Variants in TAFA1 observed in about 807,000 individuals in gnomAD.
TAFA1 encodes chemokine-like protein TAFA-1.
A neutral mutation model predicts 18.5 loss-of-function variants in TAFA1; 4 were observed. The observed-to-expected ratio is 0.22, with a 90% CI of 0.11 to 0.49. The LOEUF is 0.49. Among genes scored for constraint, TAFA1 ranks in the 20% least tolerant of loss-of-function variants. The pLI, the probability that TAFA1 is intolerant of heterozygous loss-of-function variation, is 0.98. For synonymous variants in TAFA1, 56 were observed against 55.2 expected (o/e 1.01, Z -0.06); for missense variants, 147 against 169.0 (o/e 0.87, Z 0.72).
At chr3:68,378,446 T>C (rs765695042) in intron 2 of TAFA1, among the ~76,000 whole-genome samples, 2 of 152,212 alleles carry the variant, frequency 1.3e-5, no homozygotes, top group Non-Finnish European at 2.9e-5. Flanking sequence ...AACCACATTG[T>C]ATCTAGGAAG....
chr3:68,162,328 C>T (rs2065934124), intron 2 of TAFA1, among the ~76,000 whole-genome samples: 1 of 152,126 alleles, frequency 6.6e-6, no homozygotes, highest in African/African-American at 2.4e-5. Flanking sequence ...CACTTCAGAT[C>T]ATCAGGCATT....
chr3:68,498,721 GCTT>G (rs1324885419), intron 3 of TAFA1, among the ~76,000 whole-genome samples: 41 of 101,682 alleles, frequency 4.0e-4, no homozygotes, highest in African/African-American at 9.6e-4. Flanking sequence ...CCGTTTGGTG[GCTT>G]TTTTTTTTTT....
intron 2 of TAFA1, among the ~76,000 whole-genome samples, chr3:68,329,668 A>G (rs1010563214): frequency 4.6e-5 from 7 of 152,202 alleles, no homozygotes; most frequent in African/African-American, 1.7e-4. Context: ...AAGCTCAAGG[A>G]ACACATCTTC....
intron 2 of TAFA1, among the ~76,000 whole-genome samples, chr3:68,144,830 AT>A (rs2065716931): frequency 6.6e-6 from 1 of 152,146 alleles, no homozygotes; most frequent in South Asian, 2.1e-4. Context: ...TTTTAACTCC[AT>A]GCTCTTTGAC....
intron 3 of TAFA1, among the ~76,000 whole-genome samples, chr3:68,451,413 A>C (rs1310541458): frequency 6.6e-6 from 1 of 152,158 alleles, no homozygotes; most frequent in African/African-American, 2.4e-5. Context: ...TCAGTAGAGG[A>C]GGAACTTGAA....
At chr3:68,133,679 G>T (rs1026391460) in intron 2 of TAFA1, among the ~76,000 whole-genome samples, 1 of 152,020 alleles carries the variant, frequency 6.6e-6, no homozygotes, top group Non-Finnish European at 1.5e-5. Context: ...GCCTCTTATT[G>T]GTGTATAGGA....
At chr3:68,485,731 G>A (rs771150917) in intron 3 of TAFA1, among the ~76,000 whole-genome samples, 1 of 152,116 alleles carries the variant, frequency 6.6e-6, no homozygotes, top group African/African-American at 2.4e-5. Flanking sequence ...TTGCCTGATG[G>A]TAGTTCACCA....
At chr3:68,498,713 G>A (rs932461505) in intron 3 of TAFA1, among the ~76,000 whole-genome samples, 12 of 120,326 alleles carry the variant, frequency 1.0e-4, no homozygotes, top group Admixed American at 5.5e-4. Context: ...TCCCAAAGCC[G>A]TTTGGTGGCT....
intron 2 of TAFA1, among the ~76,000 whole-genome samples, chr3:68,223,799 A>G (rs1205685340): frequency 2.6e-5 from 4 of 152,124 alleles, no homozygotes; most frequent in Non-Finnish European, 4.4e-5. Flanking sequence ...GCACACCTGA[A>G]GTTATTAGCA....
At chr3:68,484,473 T>C (rs1475826616) in intron 3 of TAFA1, among the ~76,000 whole-genome samples, 1 of 152,136 alleles carries the variant, frequency 6.6e-6, no homozygotes, top group Non-Finnish European at 1.5e-5. Flanking sequence ...TAAGATGCAA[T>C]GCATTGGATT....
At chr3:68,459,993 G>A (rs574062193) in intron 3 of TAFA1, among the ~76,000 whole-genome samples, 1 of 152,294 alleles carries the variant, frequency 6.6e-6, no homozygotes, top group South Asian at 2.1e-4. Context: ...GCCGTTTATT[G>A]AGGCTTGAGA....
At chr3:68,299,733 G>C (rs188264227) in intron 2 of TAFA1, among the ~76,000 whole-genome samples, 114 of 152,340 alleles carry the variant, frequency 7.5e-4, no homozygotes, top group African/African-American at 2.0e-3. Flanking sequence ...GGGCTTTGCT[G>C]CCTTGTGCAG....
intron 2 of TAFA1, among the ~76,000 whole-genome samples, chr3:68,309,090 G>C (rs2068471984): frequency 6.6e-6 from 1 of 151,982 alleles, no homozygotes. Flanking sequence ...ACTTATATCT[G>C]AGCTCAAAAG....
At chr3:68,143,283 T>C (rs1054782890) in intron 2 of TAFA1, among the ~76,000 whole-genome samples, 3 of 152,158 alleles carry the variant, frequency 2.0e-5, no homozygotes, top group African/African-American at 4.8e-5. Context: ...AATAGCTAAA[T>C]AGGGATTTAT....
chr3:68,283,353 T>C (rs1469798837), intron 2 of TAFA1, among the ~76,000 whole-genome samples: 1 of 152,242 alleles, frequency 6.6e-6, no homozygotes, highest in African/African-American at 2.4e-5. Flanking sequence ...TCAGTATGCA[T>C]ATGTATTACT....
intron 2 of TAFA1, among the ~76,000 whole-genome samples, chr3:68,089,937 T>A (rs1384817445): frequency 9.2e-5 from 14 of 152,204 alleles, no homozygotes. Context: ...TCTCTGAGAA[T>A]GAAATTGGCT....
chr3:68,481,590 C>T (rs2072237446), intron 3 of TAFA1, among the ~76,000 whole-genome samples: 2 of 152,188 alleles, frequency 1.3e-5, no homozygotes, highest in African/African-American at 4.8e-5. Flanking sequence ...GCTTGCTTAA[C>T]ATTACTGAAA....
chr3:67,994,489 T>C, the TAFA1 span, among the ~76,000 whole-genome samples: 1 of 152,246 alleles, frequency 6.6e-6, no homozygotes, highest in Non-Finnish European at 1.5e-5. Flanking sequence ...TTAGTTAGAA[T>C]GCTTTTGATT....
rs1350592253 is a variant in TAFA1 at position 68,486,254 on chromosome 3, C to T, written c.260-52502C>T. On this transcript the variant is annotated intron_variant, in intron 3 of 4. Coordinates refer to ENST00000478136, the MANE Select transcript of TAFA1 (RefSeq NM_213609.4). The stretch of plus-strand genomic sequence containing the variant: ...AGATTACAGATGTGGGCCACCAGCC[C>T]GATAAATTCTTATTAAACAGATTTC... Among the ~76,000 whole-genome samples, 7 of 151,710 alleles carry T rather than the reference C, an allele frequency of 4.6e-5. No individual in the cohort carries two copies. In the East Asian group the frequency reaches 7.7e-4, roughly 17 times the overall value.
Sources: allele counts gnomAD v4.1 joint callset (sites outside exome capture counted in the v4.1 genomes callset), GRCh38; gene constraint gnomAD v4.1.1; transcripts MANE v1.5; gene names NCBI Gene and HGNC (gene_info 2026-07-23, HGNC 2026-07-21).